Variants in PIGU observed in about 807,000 individuals in gnomAD.
PIGU encodes GPI-anchor transamidase component PIGU.
In PIGU, 24 loss-of-function variants were observed where a neutral mutation model predicts 49.9. The observed-to-expected ratio is 0.48, with a 90% CI of 0.35 to 0.68. The LOEUF (loss-of-function observed/expected upper bound fraction) is 0.68. PIGU is among the 30% of genes least tolerant of loss of function. PIGU has a pLI of 0.01. For missense variants in PIGU, 490 were observed against 532.6 expected (o/e 0.92, Z 0.79); for synonymous variants, 220 against 205.7 (o/e 1.07, Z -0.59).
intron 11 of PIGU, among the ~76,000 whole-genome samples, chr20:34,568,022 T>C (rs1982848162): frequency 6.6e-6 from 1 of 152,172 alleles, no homozygotes; most frequent in Non-Finnish European, 1.5e-5. Context: ...GACCGAGGGC[T>C]CCTTGGAAGT....
intron 2 of PIGU, among the ~76,000 whole-genome samples, chr20:34,646,255 G>C (rs1986340279): frequency 6.6e-6 from 1 of 152,012 alleles, no homozygotes; most frequent in South Asian, 2.1e-4. Context: ...TTTTTACTTT[G>C]TCAATTTAGG....
chr20:34,630,104 A>G (rs1023124030), intron 6 of PIGU, among the ~76,000 whole-genome samples: 20 of 152,242 alleles, frequency 1.3e-4, no homozygotes, highest in African/African-American at 4.3e-4. Flanking sequence ...CATAGAGAAA[A>G]AAATCAAGTT....
At chr20:34,644,836 T>C (rs1986281787) in intron 3 of PIGU, among the ~76,000 whole-genome samples, 1 of 152,048 alleles carries the variant, frequency 6.6e-6, no homozygotes, top group African/African-American at 2.4e-5. Flanking sequence ...TTAAAGCCAA[T>C]CATAGAATCT....
intron 6 of PIGU, 83 bp from the exon 7 acceptor site, chr20:34,616,222 T>C (rs1985001365): frequency 1.4e-6 from 2 of 1,447,700 alleles, no homozygotes; most frequent in South Asian, 1.3e-5. Context: ...ACACAAAACT[T>C]TCCATAACTG....
intron 7 of PIGU, among the ~76,000 whole-genome samples, chr20:34,594,984 C>T (rs1236294209): frequency 1.4e-5 from 2 of 146,574 alleles, no homozygotes; most frequent in African/African-American, 2.5e-5. Flanking sequence ...CCTAGCTACT[C>T]GGGAGGCCGA....
chr20:34,619,779 C>A (rs1459582957), intron 6 of PIGU, among the ~76,000 whole-genome samples: 1 of 152,184 alleles, frequency 6.6e-6, no homozygotes, highest in African/African-American at 2.4e-5. Context: ...AGAATACTTG[C>A]TCCTAGGATC....
At chr20:34,636,415 G>A (rs902630680) in intron 5 of PIGU, among the ~76,000 whole-genome samples, 1 of 150,720 alleles carries the variant, frequency 6.6e-6, no homozygotes, top group African/African-American at 2.4e-5. Context: ...GTGGTGGCGG[G>A]TACCTGTAGT....
intron 7 of PIGU, among the ~76,000 whole-genome samples, chr20:34,614,919 C>T (rs1984950658): frequency 6.6e-6 from 1 of 152,192 alleles, no homozygotes; most frequent in Non-Finnish European, 1.5e-5. Flanking sequence ...AAACATTTAT[C>T]TTGTAAGAAT....
rs114557900 is a variant in PIGU at position 34,636,641 on chromosome 20, T to C, written c.428+1235A>G. Among the ~76,000 whole-genome samples the C allele has an allele frequency of 3.7e-3, 563 of 152,320 alleles. 5 individuals carry two copies. Among genetic ancestry groups the C allele is most frequent in the African/African-American group, 0.013 (542 of 41,574 alleles). On this transcript the variant is annotated intron_variant, in intron 5 of 11. Coordinates refer to ENST00000217446, the MANE Select transcript of PIGU (RefSeq NM_080476.5). ...ACCAAATGGATATTCTACAGCACTA[T>C]AGTAATCAGCTACAAATTCGGCTCT...
At position 34,634,626 on chromosome 20, in the gene PIGU, G is replaced by A; in HGVS notation, c.518C>T (p.Thr173Ile). ...NNTLIAFFIL[T>I]TIKGSAFLSA... ...TTTCAGGGCCTTACCTTTTATCGTA[G>A]TCAAAATGAAGAAAGCAATGAGGGT... The change falls in exon 6 of 12, where the codon ACT becomes ATT. Residue 173 changes from threonine (T) to isoleucine (I), a missense_variant. Physicochemically the swap from Thr to Ile is moderately conservative, Grantham distance 89. Transcript: ENST00000217446. 1 of 1,612,614 alleles carries A rather than the reference G, an allele frequency of 6.2e-7. No individual in the cohort carries two copies. Among genetic ancestry groups the A allele is most frequent in the Non-Finnish European group, 8.5e-7 (1 of 1,178,956 alleles).
intron 1 of PIGU, among the ~76,000 whole-genome samples, chr20:34,658,503 G>C (rs1391189002): frequency 6.6e-6 from 1 of 151,862 alleles, no homozygotes; most frequent in Non-Finnish European, 1.5e-5. Flanking sequence ...AGTCTGGAAA[G>C]TGAGGAGCCT....
chr20:34,584,249 T>C (rs953926158), intron 9 of PIGU, among the ~76,000 whole-genome samples: 1 of 152,164 alleles, frequency 6.6e-6, no homozygotes, highest in African/African-American at 2.4e-5. Flanking sequence ...AGGTTAGGTA[T>C]GATTATGTTT....
rs757521315 is a variant in PIGU at position 34,560,943 on chromosome 20, G to A, written c.1231C>T (p.Arg411Trp). Reference sequence around the variant, plus strand: ...CCATGTGTGAGGTAGTACTCCCGCCGCAGGAAGGCATAGAAGTAATCAGAG... The same window carrying A: ...CCATGTGTGAGGTAGTACTCCCGCCACAGGAAGGCATAGAAGTAATCAGAG... The part of the protein sequence containing the change: ...LISDYFYAFL[R>W]REYYLTHGLY... The change falls in exon 12 of 12, where the codon CGG becomes TGG. Residue 411 changes from arginine (R) to tryptophan (W), a missense_variant. Arg to Trp is a moderately radical substitution (Grantham distance 101). Coordinates refer to ENST00000217446, the MANE Select transcript of PIGU (RefSeq NM_080476.5). 7 of 1,612,472 alleles carry A rather than the reference G, an allele frequency of 4.3e-6. No homozygotes were observed. The East Asian group carries it at 8.9e-5, about 21-fold the overall frequency.
chr20:34,667,569 G>A lies in PIGU; in HGVS notation c.130+9387C>T, dbSNP rs192033639. Among the ~76,000 whole-genome samples, 338 of 151,996 alleles carry A rather than the reference G, an allele frequency of 2.2e-3. 1 individual carries two copies. Among genetic ancestry groups the A allele is most frequent in the African/African-American group, 7.5e-3 (312 of 41,480 alleles). The stretch of plus-strand genomic sequence containing the variant: ...CAAAACTAGAATAATCCAAACAACA[G>A]AATGAATATAGTATACAGAGTCCAG... On this transcript the variant is annotated intron_variant, in intron 1 of 11. Coordinates refer to ENST00000217446, the MANE Select transcript of PIGU (RefSeq NM_080476.5).
Position 34,656,042 on chromosome 20 carries a change from C to T in PIGU, c.195+1138G>A, listed in dbSNP as rs549692375. Among the ~76,000 whole-genome samples the T allele has an allele frequency of 5.2e-5, 5 of 96,284 alleles. 1 individual carries two copies. Among genetic ancestry groups the T allele is most frequent in the African/African-American group, 1.7e-4 (4 of 23,406 alleles). 63.2% of individuals were successfully genotyped at this position (96,284 alleles called of 152,430 possible). A position where few individuals can be genotyped will look rare whatever the true frequency, so the allele number is the denominator to read the frequency against. Reference sequence around the variant, plus strand: ...AGGCTGGAGTGCAATGGTGCAGTCTCGGCTCACTGCAAACTCTGCCTCCCG... The same window carrying T: ...AGGCTGGAGTGCAATGGTGCAGTCTTGGCTCACTGCAAACTCTGCCTCCCG... On this transcript the variant is annotated intron_variant, in intron 2 of 11. Transcript: ENST00000217446.
intron 7 of PIGU, among the ~76,000 whole-genome samples, chr20:34,591,425 C>T (rs984023427): frequency 2.0e-5 from 3 of 152,146 alleles, no homozygotes; most frequent in Non-Finnish European, 4.4e-5. Flanking sequence ...ACAAATCATA[C>T]TTATATAGAG....
intron 7 of PIGU, among the ~76,000 whole-genome samples, chr20:34,599,444 C>T (rs1241434650): frequency 2.6e-5 from 4 of 151,982 alleles, no homozygotes; most frequent in African/African-American, 9.7e-5. Context: ...CAGAGACCCC[C>T]GTCTCAAAAA....
intron 2 of PIGU, among the ~76,000 whole-genome samples, chr20:34,649,050 G>A (rs906771672): frequency 1.3e-5 from 2 of 152,086 alleles, no homozygotes; most frequent in African/African-American, 4.8e-5. Context: ...TATATTTTTA[G>A]TAGAGATGGG....
chr20:34,605,042 C>T (rs1568635730), intron 7 of PIGU, among the ~76,000 whole-genome samples: 1 of 152,216 alleles, frequency 6.6e-6, no homozygotes, highest in East Asian at 1.9e-4. Context: ...CGAAGCCTTA[C>T]AGCTTCAGCT....
Sources: gnomAD v4.1 joint callset for allele counts (sites outside exome capture counted in the v4.1 genomes callset) on GRCh38, gnomAD v4.1.1 for gene constraint, MANE v1.5 for transcripts, NCBI Gene and HGNC (gene_info 2026-07-23, HGNC 2026-07-21) for gene names.